The following ADCY2 variants were observed in gnomAD, a reference collection of about 807,000 sequenced individuals.
ADCY2 encodes the protein adenylate cyclase type 2.
Under a neutral mutation model 125.2 loss-of-function variants are expected in ADCY2, and 31 were observed. The ratio of observed to expected loss-of-function variants is 0.25; its 90% confidence interval spans 0.19 to 0.33. ADCY2 has a LOEUF of 0.33. ADCY2 is among the 10% of genes least tolerant of loss of function. The pLI is 1.00. For synonymous variants in ADCY2, 512 were observed against 548.4 expected, an observed-to-expected ratio of 0.93 and a Z score of 0.93; for missense variants, 904 against 1,418.2, an observed-to-expected ratio of 0.64 and a Z score of 5.82.
At chr5:7,756,872 G>C (rs1460269090) in intron 15 of ADCY2, among the ~76,000 whole-genome samples, 1 of 152,202 alleles carries the variant, frequency 6.6e-6, no homozygotes, top group African/African-American at 2.4e-5. Context: ...GAAAAAAGGA[G>C]CTTCTCCGTG....
At chr5:7,699,520 C>T (rs570382415) in intron 7 of ADCY2, among the ~76,000 whole-genome samples, 1 of 152,214 alleles carries the variant, frequency 6.6e-6, no homozygotes, top group South Asian at 2.1e-4. Flanking sequence ...TGTGCAGAAA[C>T]CCATTTATTG....
intron 3 of ADCY2, among the ~76,000 whole-genome samples, chr5:7,561,984 A>G (rs1735721841): frequency 1.3e-5 from 2 of 152,226 alleles, no homozygotes; most frequent in African/African-American, 4.8e-5. Flanking sequence ...TTTTCTGTAT[A>G]CATCCATAGA....
rs549049776 is a variant in ADCY2 at position 7,588,670 on chromosome 5, G to T, written c.571-37497G>T. ...TAAATGAGCATGGCTCTGTTCCAATGAAACTTTATTTATGTACACTGAAAT... is the reference window on the plus strand; with the variant it reads ...TAAATGAGCATGGCTCTGTTCCAATTAAACTTTATTTATGTACACTGAAAT... On this transcript the variant is annotated intron_variant, in intron 3 of 24. Coordinates refer to ENST00000338316, the MANE Select transcript of ADCY2 (RefSeq NM_020546.3). Among the ~76,000 whole-genome samples, 33 of 152,290 alleles carry T rather than the reference G, an allele frequency of 2.2e-4. 1 individual carries two copies. In the South Asian group the frequency reaches 6.8e-3, roughly 32 times the overall value.
intron 22 of ADCY2, among the ~76,000 whole-genome samples, chr5:7,810,241 T>A (rs1035392522): frequency 1.3e-5 from 2 of 152,200 alleles, no homozygotes; most frequent in Admixed American, 1.3e-4. Flanking sequence ...TGGTGGGTTA[T>A]CTTCCTGATT....
intron 2 of ADCY2, among the ~76,000 whole-genome samples, chr5:7,451,207 A>G (rs1261657427): frequency 1.3e-5 from 2 of 152,246 alleles, no homozygotes; most frequent in Non-Finnish European, 2.9e-5. Context: ...GGATATGGGC[A>G]AAATAAATTG....
At chr5:7,786,478 C>T (rs777452241) in intron 19 of ADCY2, among the ~76,000 whole-genome samples, 1 of 152,160 alleles carries the variant, frequency 6.6e-6, no homozygotes, top group Non-Finnish European at 1.5e-5. Flanking sequence ...TTTTCCTGCT[C>T]CATGACCATC....
chr5:7,790,545 T>C (rs756090165), intron 20 of ADCY2, among the ~76,000 whole-genome samples: 2 of 152,234 alleles, frequency 1.3e-5, no homozygotes, highest in Non-Finnish European at 2.9e-5. Context: ...GTGAGAAACA[T>C]GTATCTGAGC....
intron 10 of ADCY2, among the ~76,000 whole-genome samples, chr5:7,710,214 G>A (rs1293506754): frequency 6.6e-6 from 1 of 152,126 alleles, no homozygotes; most frequent in Non-Finnish European, 1.5e-5. Context: ...CTCCCAACAG[G>A]CAGGGGCTCA....
chr5:7,828,919 TAAAC>T lies in ADCY2; in HGVS notation c.*2050_*2053del, dbSNP rs1445235296. 4 of 152,332 alleles carry T rather than the reference TAAAC, an allele frequency of 2.6e-5. No individual in the cohort carries two copies. Among genetic ancestry groups the T allele is most frequent in the African/African-American group, 9.7e-5 (4 of 41,430 alleles). 9.4% of individuals were successfully genotyped at this position (152,332 alleles called of 1,614,324 possible). A position where few individuals can be genotyped will look rare whatever the true frequency, so the allele number is the denominator to read the frequency against. ...AGCTGGGTGGTCCACCAAGTTCTCA[TAAAC>T]AGAGTCCCTCCCATTCCCCCACGGG... On this transcript the variant is annotated 3_prime_UTR_variant, in exon 25 of 25. Coordinates refer to ENST00000338316, the MANE Select transcript of ADCY2 (RefSeq NM_020546.3).
intron 4 of ADCY2, among the ~76,000 whole-genome samples, chr5:7,669,208 A>T (rs1437189092): frequency 1.3e-5 from 2 of 152,248 alleles, no homozygotes; most frequent in African/African-American, 4.8e-5. Context: ...TACAGTAAAT[A>T]GCCAAGTAAA....
rs369191940 is a variant in ADCY2 at position 7,563,579 on chromosome 5, G to A, written c.570+42680G>A. ...CCTAATCATGAATATGGAGTAGAGT[G>A]GAACTTCATATATAGAGCTTTGTAT... On this transcript the variant is annotated intron_variant, in intron 3 of 24. Transcript: ENST00000338316. Among the ~76,000 whole-genome samples, 123 of 152,246 alleles carry A rather than the reference G, an allele frequency of 8.1e-4. 1 individual carries two copies. Among genetic ancestry groups the A allele is most frequent in the African/African-American group, 2.8e-3 (118 of 41,562 alleles).
intron 18 of ADCY2, among the ~76,000 whole-genome samples, chr5:7,781,777 A>T (rs377752953): frequency 2.0e-5 from 3 of 152,182 alleles, no homozygotes; most frequent in African/African-American, 7.2e-5. Context: ...TGGGATTTTA[A>T]TGTACCTCTC....
chr5:7,570,599 A>G (rs765933743), intron 3 of ADCY2, among the ~76,000 whole-genome samples: 1 of 146,614 alleles, frequency 6.8e-6, no homozygotes, highest in Non-Finnish European at 1.5e-5. Context: ...TAGCTATGTA[A>G]GCTAAGGAGG....
At chr5:7,600,501 G>C (rs1186686897) in intron 3 of ADCY2, among the ~76,000 whole-genome samples, 1 of 152,204 alleles carries the variant, frequency 6.6e-6, no homozygotes, top group African/African-American at 2.4e-5. Flanking sequence ...AGACAGGGGA[G>C]ACTGGAGAGG....
At chr5:7,629,083 G>T (rs1429581538) in intron 4 of ADCY2, among the ~76,000 whole-genome samples, 1 of 152,204 alleles carries the variant, frequency 6.6e-6, no homozygotes, top group Non-Finnish European at 1.5e-5. Flanking sequence ...ATTCCGGAAG[G>T]ATATGTGTTG....
At chr5:7,425,906 G>A (rs925492704) in intron 2 of ADCY2, among the ~76,000 whole-genome samples, 5 of 152,102 alleles carry the variant, frequency 3.3e-5, no homozygotes, top group Non-Finnish European at 7.4e-5. Flanking sequence ...AATGAGTTTG[G>A]GTATTAACAG....
At chr5:7,551,028 C>T (rs187942006) in intron 3 of ADCY2, among the ~76,000 whole-genome samples, 1 of 146,930 alleles carries the variant, frequency 6.8e-6, no homozygotes, top group Non-Finnish European at 1.5e-5. Flanking sequence ...CTCCCTCCCT[C>T]CCTCCCTTCC....
chr5:7,601,592 A>C (rs1737206304), intron 3 of ADCY2, among the ~76,000 whole-genome samples: 1 of 152,190 alleles, frequency 6.6e-6, no homozygotes. Flanking sequence ...TTCTTAAACA[A>C]TATGGCCTTC....
At chr5:7,530,839 C>T (rs925530566) in intron 3 of ADCY2, among the ~76,000 whole-genome samples, 3 of 152,124 alleles carry the variant, frequency 2.0e-5, no homozygotes, top group African/African-American at 7.2e-5. Context: ...TTTACACATG[C>T]TGTACCCTCT....
Sources: allele counts gnomAD v4.1 joint callset (sites outside exome capture counted in the v4.1 genomes callset), GRCh38; gene constraint gnomAD v4.1.1; transcripts MANE v1.5; gene names NCBI Gene and HGNC (gene_info 2026-07-23, HGNC 2026-07-21).